RIF1: variants seen among roughly 807,000 people sequenced by gnomAD.
RIF1 encodes the protein telomere-associated protein RIF1.
A neutral mutation model predicts 247.1 loss-of-function variants in RIF1; 45 were observed. The observed-to-expected ratio is 0.18, with a 90% CI of 0.14 to 0.23. The LOEUF (loss-of-function observed/expected upper bound fraction) is 0.23, where lower values mean the gene tolerates loss of function less well. RIF1 is among the 10% of genes least tolerant of loss of function. The pLI is 1.00. For synonymous variants in RIF1, 1,087 were observed against 978.8 expected, an observed-to-expected ratio of 1.11 and a Z score of -2.06; for missense variants, 2,967 against 2,862.5, an observed-to-expected ratio of 1.04 and a Z score of -0.83.
chr2:151,410,723 T>C lies in RIF1; in HGVS notation c.104+196T>C, dbSNP rs1304153849. ...TTCCCGGGTACTGCTGCTGCTGCGC[T>C]TGAGGTGTGTGTTTGGAACGAGGGA... On this transcript the variant is annotated intron_variant, in intron 2 of 35. Transcript: ENST00000444746. Among the ~76,000 whole-genome samples the C allele has an allele frequency of 2.6e-5, 4 of 152,226 alleles. No individual in the cohort carries two copies. The East Asian group carries it at 7.7e-4, about 29-fold the overall frequency.
intron 9 of RIF1, among the ~76,000 whole-genome samples, chr2:151,487,438 C>T (rs2051721837): frequency 6.6e-6 from 1 of 152,170 alleles, no homozygotes; most frequent in Non-Finnish European, 1.5e-5. Flanking sequence ...AAATAGATTT[C>T]CTTTCCCCTT....
chr2:151,497,995 G>A (rs2061455979), intron 10 of RIF1: 2 of 1,433,166 alleles, frequency 1.4e-6, no homozygotes, highest in African/African-American at 2.9e-5. Flanking sequence ...AATCACATGA[G>A]GATTTGAGAC....
chr2:151,432,523 G>A (rs1372159986), intron 9 of RIF1, among the ~76,000 whole-genome samples: 1 of 152,182 alleles, frequency 6.6e-6, no homozygotes, highest in Non-Finnish European at 1.5e-5. Context: ...AGTGGCCCCA[G>A]TAGTAATGAT....
At chr2:151,497,352 C>T in intron 10 of RIF1, 1 of 982,110 alleles carries the variant, frequency 1.0e-6, no homozygotes, top group African/African-American at 1.8e-5. Flanking sequence ...ACAGTTAGAA[C>T]TCAGTGGTGT....
the RIF1 span, among the ~76,000 whole-genome samples, chr2:151,525,484 T>C: frequency 6.6e-6 from 1 of 152,204 alleles, no homozygotes; most frequent in African/African-American, 2.4e-5. Context: ...AGAACCTGGG[T>C]AGAGGCAAAT....
At position 151,457,939 on chromosome 2, in the gene RIF1, T is replaced by A; in HGVS notation, c.2831T>A (p.Met944Lys). ...AATGCCACTTTTGCCAAAGTGATGA[T>A]GTTGGTTTATCCTGAAGAGTTAAAG... ...FWNATFAKVM[M>K]LVYPEELKPV... Residue 944 changes from methionine (M) to lysine (K), a missense_variant, in exon 24 of 36, where the codon ATG becomes AAG. Coordinates refer to ENST00000444746, the MANE Select transcript of RIF1 (RefSeq NM_018151.5). 2 of 1,613,716 alleles carry A rather than the reference T, an allele frequency of 1.2e-6. No homozygotes were observed. Among genetic ancestry groups the A allele is most frequent in the South Asian group, 1.1e-5 (1 of 91,070 alleles).
chr2:151,416,844 A>G lies in RIF1; in HGVS notation c.446A>G (p.Asn149Ser). 1 of 1,613,012 alleles carries G rather than the reference A, an allele frequency of 6.2e-7. No homozygotes were observed. The highest frequency in any genetic ancestry group is 8.5e-7 in the Non-Finnish European group (1 of 1,179,320). Residue 149 changes from asparagine to serine, a missense_variant, in exon 6 of 36, where the codon AAC (asparagine) becomes AGC (serine). Around this residue, in one of 7 missense-constraint regions of RIF1, gnomAD observed 269 missense variants for 288.6 expected, o/e 0.93. Coordinates refer to ENST00000444746, the MANE Select transcript of RIF1 (RefSeq NM_018151.5). ...SIIDSLEILF[N>S]KGETHSAVVD... is the part of the protein sequence containing the mutation. Reference sequence around the variant, plus strand: ...ATTGATTCATTAGAAATACTGTTTAACAAAGGAGAGACGCATTCTGCTGTT... The same window carrying G: ...ATTGATTCATTAGAAATACTGTTTAGCAAAGGAGAGACGCATTCTGCTGTT...
intron 34 of RIF1, among the ~76,000 whole-genome samples, chr2:151,471,229 G>T (rs550186859): frequency 2.6e-5 from 4 of 152,038 alleles, no homozygotes; most frequent in Non-Finnish European, 5.9e-5. Flanking sequence ...AAAAATTTCC[G>T]TTTTGAGGTT....
At chr2:151,490,281 A>G in intron 9 of RIF1, 1 of 1,466,558 alleles carries the variant, frequency 6.8e-7, no homozygotes, top group African/African-American at 1.4e-5. Context: ...AAAAATTTTT[A>G]AATTTGTTTT....
At chr2:151,443,403 T>G (rs1692705874) in intron 17 of RIF1, 74 bp downstream of exon 17, 1 of 1,310,384 alleles carries the variant, frequency 7.6e-7, no homozygotes, top group Non-Finnish European at 1.1e-6. Flanking sequence ...ATGTACTATT[T>G]CATAAGTTTA....
chr2:151,523,767 G>A, the RIF1 span, among the ~76,000 whole-genome samples: 1 of 152,148 alleles, frequency 6.6e-6, no homozygotes, highest in Non-Finnish European at 1.5e-5. Flanking sequence ...AGCACCCTGT[G>A]CATACCCTGA....
At chr2:151,526,884 A>C in the RIF1 span, 1 of 1,404,658 alleles carries the variant, frequency 7.1e-7, no homozygotes, top group Non-Finnish European at 9.9e-7. Flanking sequence ...GCCCTGAGTG[A>C]GGTTAGGCAT....
At chr2:151,440,185 T>C in intron 15 of RIF1, 58 bp downstream of exon 15, 2 of 921,318 alleles carry the variant, frequency 2.2e-6, no homozygotes, top group Non-Finnish European at 3.4e-6. Flanking sequence ...TTAAATTTTA[T>C]ATAGAAGATA....
At chr2:151,492,146 C>G (rs377336846) in intron 9 of RIF1, 1 of 1,613,922 alleles carries the variant, frequency 6.2e-7, no homozygotes, top group African/African-American at 1.3e-5. Context: ...TCCATTTCTA[C>G]CACTTTCCTC....
chr2:151,449,366 A>G (rs1693866711), intron 20 of RIF1, among the ~76,000 whole-genome samples: 1 of 152,202 alleles, frequency 6.6e-6, no homozygotes, highest in Admixed American at 6.5e-5. Context: ...TGATTCAGAA[A>G]ACTGTTCTTC....
chr2:151,435,345 A>G, intron 10 of RIF1, 118 bp from the exon 11 acceptor site: 1 of 665,844 alleles, frequency 1.5e-6, no homozygotes, highest in Non-Finnish European at 2.6e-6. Context: ...GTGCATGGAA[A>G]CGATCTGTAA....
chr2:151,512,019 CTTTTTTTTTTT>C (rs71403173), downstream of RIF1, among the ~76,000 whole-genome samples: 12 of 93,580 alleles, frequency 1.3e-4, no homozygotes, highest in African/African-American at 1.7e-4. Context: ...CCCTCTCACT[CTTTTTTTTTTT>C]TTTTTTTTTT....
At chr2:151,496,145 G>C in intron 10 of RIF1, 4 of 1,055,348 alleles carry the variant, frequency 3.8e-6, no homozygotes, top group South Asian at 1.5e-5. Flanking sequence ...AAGGAAAAAA[G>C]GGTAAATTTG....
intron 8 of RIF1, among the ~76,000 whole-genome samples, chr2:151,426,252 G>A (rs377239865): frequency 2.7e-4 from 35 of 129,444 alleles, no homozygotes; most frequent in African/African-American, 1.0e-3. Context: ...TCAGCTCACT[G>A]CAACCTCTGC....
Sources: gnomAD v4.1 joint callset for allele counts (sites outside exome capture counted in the v4.1 genomes callset) on GRCh38, gnomAD v4.1.1 for gene constraint, gnomAD v4.1.1 regional missense constraint, MANE v1.5 for transcripts, NCBI Gene and HGNC (gene_info 2026-07-23, HGNC 2026-07-21) for gene names.